MBD5: variants seen among roughly 807,000 people sequenced by gnomAD.
The protein encoded by MBD5 is methyl-CpG-binding domain protein 5.
A neutral mutation model predicts 117.3 loss-of-function variants in MBD5; 13 were observed. That is an observed-to-expected ratio of 0.11 (90% CI 0.07 to 0.18). MBD5 has a LOEUF of 0.18. Ranked by LOEUF, MBD5 falls within the 10% of genes least tolerant of loss-of-function variation. The pLI is 1.00. For synonymous variants in MBD5, 727 were observed against 766.4 expected, an observed-to-expected ratio of 0.95 and a Z score of 0.85; for missense variants, 1,879 against 2,093.8, an observed-to-expected ratio of 0.90 and a Z score of 2.00.
chr2:148,038,050 C>T (rs1694244043), intron 1 of MBD5, among the ~76,000 whole-genome samples: 1 of 151,792 alleles, frequency 6.6e-6, no homozygotes, highest in South Asian at 2.1e-4. Flanking sequence ...GAAAGAGACC[C>T]AGAAAAGGTC....
intron 4 of MBD5, among the ~76,000 whole-genome samples, chr2:148,384,272 A>G (rs1704265574): frequency 6.6e-6 from 1 of 152,250 alleles, no homozygotes; most frequent in Non-Finnish European, 1.5e-5. Context: ...GTCTCAGGAT[A>G]CAAAATCCAT....
intron 2 of MBD5, among the ~76,000 whole-genome samples, chr2:148,203,177 A>C (rs1034725752): frequency 6.6e-6 from 1 of 152,134 alleles, no homozygotes; most frequent in South Asian, 2.1e-4. Flanking sequence ...ATGATTAGGA[A>C]AGTTCACAAA....
chr2:148,116,169 G>A (rs888192835), intron 1 of MBD5, among the ~76,000 whole-genome samples: 1 of 149,758 alleles, frequency 6.7e-6, no homozygotes, highest in Non-Finnish European at 1.5e-5. Context: ...AAATATTTAC[G>A]TTTACCTACA....
intron 4 of MBD5, among the ~76,000 whole-genome samples, chr2:148,383,461 T>C (rs1032536418): frequency 5.9e-5 from 9 of 152,112 alleles, no homozygotes; most frequent in African/African-American, 2.2e-4. Flanking sequence ...GAGGCAATAA[T>C]TAATACCTTA....
At chr2:148,145,509 G>T (rs1264266272) in intron 1 of MBD5, among the ~76,000 whole-genome samples, 1 of 152,134 alleles carries the variant, frequency 6.6e-6, no homozygotes, top group Non-Finnish European at 1.5e-5. Context: ...GTGAGAGAGG[G>T]CATCCCTGCC....
intron 1 of MBD5, among the ~76,000 whole-genome samples, chr2:148,099,297 A>G (rs1481521261): frequency 6.6e-6 from 1 of 152,202 alleles, no homozygotes; most frequent in Non-Finnish European, 1.5e-5. Flanking sequence ...TTAGATGTGC[A>G]TTATTTTATC....
At chr2:148,183,913 T>C (rs1291698294) in intron 2 of MBD5, among the ~76,000 whole-genome samples, 2 of 152,104 alleles carry the variant, frequency 1.3e-5, no homozygotes, top group East Asian at 3.8e-4. Flanking sequence ...AAATCCATGA[T>C]ATTCCCTAAT....
rs570728375 is a variant in MBD5 at position 148,048,945 on chromosome 2, T to A, written c.-925+27261T>A. ...TCCACTCTTCTTACATGAATTCTTG[T>A]GTACTCCCAGAAAGTACTGCAGTGC... On this transcript the variant is annotated intron_variant, in intron 1 of 13. Coordinates refer to ENST00000642680, the MANE Select transcript of MBD5 (RefSeq NM_001378120.1). Among the ~76,000 whole-genome samples the A allele has an allele frequency of 1.6e-3, 239 of 152,316 alleles. 3 individuals are homozygous for A. The highest frequency in any genetic ancestry group is 5.5e-3 in the African/African-American group (227 of 41,572).
At chr2:148,367,345 T>G (rs1231248565) in intron 4 of MBD5, among the ~76,000 whole-genome samples, 1 of 152,146 alleles carries the variant, frequency 6.6e-6, no homozygotes, top group East Asian at 1.9e-4. Flanking sequence ...ATTAAAGACT[T>G]AAACGTAAGA....
rs533831194 is a variant in MBD5 at position 148,445,991 on chromosome 2, C to G, written c.-556-12212C>G. Among the ~76,000 whole-genome samples the G allele has an allele frequency of 1.7e-4, 25 of 150,168 alleles. 1 individual carries two copies. The highest frequency in any genetic ancestry group is 2.8e-4 in the Non-Finnish European group (19 of 67,764). On this transcript the variant is annotated intron_variant, in intron 4 of 13. Transcript: ENST00000642680. ...ACGATGGGGTTGTTTGTTTTTTTTT[C>G]TTGTAAATTTGTTTGAGTTCATTGT...
At chr2:148,218,007 A>G (rs991078151) in intron 2 of MBD5, among the ~76,000 whole-genome samples, 2 of 152,216 alleles carry the variant, frequency 1.3e-5, no homozygotes, top group Admixed American at 6.5e-5. Flanking sequence ...ATTGATGTGT[A>G]TATAGACAAT....
chr2:148,333,039 C>T (rs1702699439), intron 3 of MBD5, among the ~76,000 whole-genome samples: 1 of 152,048 alleles, frequency 6.6e-6, no homozygotes, highest in Non-Finnish European at 1.5e-5. Flanking sequence ...TATTTTGTCT[C>T]TCAGCAGTAC....
rs1694898034 is a variant in MBD5, at chr2:148,057,414, TG to T, written c.-925+35731del. 2.0e-5 allele frequency among the ~76,000 whole-genome samples: 3 copies of T among 152,012 alleles called. No individual in the cohort carries two copies. In the South Asian group the frequency reaches 6.2e-4, roughly 31 times the overall value. On this transcript the variant is annotated intron_variant, in intron 1 of 13. Transcript: ENST00000642680. ...CACAGGCTTTGTTATATAAGGTTTT[TG>T]TTTTTTTTAGTAAGTGTCTTCTAAT...
At chr2:148,269,128 G>T (rs1283813408) in intron 3 of MBD5, among the ~76,000 whole-genome samples, 1 of 151,936 alleles carries the variant, frequency 6.6e-6, no homozygotes, top group African/African-American at 2.4e-5. Flanking sequence ...AGAATCATTT[G>T]TTGTATTTGT....
At chr2:148,242,381 T>TAC (rs1700233651) in intron 3 of MBD5, among the ~76,000 whole-genome samples, 1 of 151,632 alleles carries the variant, frequency 6.6e-6, no homozygotes. Flanking sequence ...CACACACATA[T>TAC]ATATATATAT....
At chr2:148,362,774 A>G (rs536491028) in intron 4 of MBD5, among the ~76,000 whole-genome samples, 58 of 152,264 alleles carry the variant, frequency 3.8e-4, no homozygotes, top group Non-Finnish European at 6.6e-4. Flanking sequence ...TCTGGGACAA[A>G]GATTCCAGAG....
At chr2:148,325,283 G>C (rs1281856177) in intron 3 of MBD5, among the ~76,000 whole-genome samples, 2 of 152,122 alleles carry the variant, frequency 1.3e-5, no homozygotes, top group Non-Finnish European at 2.9e-5. Flanking sequence ...CAAAGATATT[G>C]GTCTAAAATT....
intron 12 of MBD5, among the ~76,000 whole-genome samples, chr2:148,508,287 A>T (rs143484710): frequency 6.6e-6 from 1 of 152,364 alleles, no homozygotes; most frequent in African/African-American, 2.4e-5. Context: ...ACATAATAAA[A>T]AAACTTCTTA....
chr2:148,398,150 C>A (rs868201161), intron 4 of MBD5, among the ~76,000 whole-genome samples: 3 of 152,058 alleles, frequency 2.0e-5, no homozygotes, highest in South Asian at 2.1e-4. Context: ...ATGTTTTATA[C>A]TCCTTTGGGT....
Sources: gnomAD v4.1 joint callset for allele counts (sites outside exome capture counted in the v4.1 genomes callset) on GRCh38, gnomAD v4.1.1 for gene constraint, MANE v1.5 for transcripts, NCBI Gene and HGNC (gene_info 2026-07-23, HGNC 2026-07-21) for gene names.